Variants in EPB41L4A observed in about 807,000 individuals in gnomAD.
EPB41L4A encodes band 4.1-like protein 4A.
In EPB41L4A, 100 loss-of-function variants were observed where a neutral mutation model predicts 108.6. The observed-to-expected ratio is 0.92, with a 90% CI of 0.78 to 1.09. The LOEUF is 1.09. Ranked by LOEUF, EPB41L4A falls within the 50% of genes least tolerant of loss-of-function variation. The probability of loss-of-function intolerance (pLI) is 0.00; values close to 1 mark genes in which losing one functional copy is unlikely to be tolerated. For synonymous variants in EPB41L4A, 319 were observed against 289.0 expected (o/e 1.10, Z -1.05); for missense variants, 1,030 against 842.7 (o/e 1.22, Z -2.75).
chr5:112,211,627 G>A (rs2150314791), intron 12 of EPB41L4A, among the ~76,000 whole-genome samples: 1 of 151,514 alleles, frequency 6.6e-6, no homozygotes, highest in South Asian at 2.1e-4. Flanking sequence ...TGAAAGTGAT[G>A]TTCAATGAGA....
At chr5:112,204,905 CTACT>C (rs1762398695) in intron 14 of EPB41L4A, among the ~76,000 whole-genome samples, 1 of 152,118 alleles carries the variant, frequency 6.6e-6, no homozygotes, top group South Asian at 2.1e-4. Context: ...GAAATATAGA[CTACT>C]TAATTAAGTG....
At chr5:112,232,705 ATT>A (rs1214520358) in intron 12 of EPB41L4A, among the ~76,000 whole-genome samples, 1 of 152,188 alleles carries the variant, frequency 6.6e-6, no homozygotes, top group Admixed American at 6.5e-5. Context: ...CAATGTTAAT[ATT>A]GTTACTAAAA....
chr5:112,153,296 C>T (rs750797115), intron 12 of EPB41L4A, among the ~76,000 whole-genome samples: 7 of 151,826 alleles, frequency 4.6e-5, no homozygotes, highest in Non-Finnish European at 7.4e-5. Context: ...GAGGCCAAGG[C>T]GGGCGGATCA....
chr5:112,152,804 A>C (rs985150466), intron 12 of EPB41L4A, among the ~76,000 whole-genome samples: 1 of 152,324 alleles, frequency 6.6e-6, no homozygotes, highest in South Asian at 2.1e-4. Context: ...AATCATGAAG[A>C]AAAAAATTCT....
intron 9 of EPB41L4A, 29 bp from the exon 10 acceptor site, chr5:112,240,839 A>C (rs1233157203): frequency 1.4e-6 from 2 of 1,381,696 alleles, no homozygotes; most frequent in Non-Finnish European, 2.0e-6. Flanking sequence ...CAGAATATGA[A>C]TAATGACCAG....
intron 4 of EPB41L4A, among the ~76,000 whole-genome samples, chr5:112,270,170 G>A (rs554228960): frequency 6.6e-6 from 1 of 152,256 alleles, no homozygotes; most frequent in East Asian, 1.9e-4. Context: ...TAAGATTCCT[G>A]GCCAAGAACA....
intron 1 of EPB41L4A, among the ~76,000 whole-genome samples, chr5:112,354,546 T>C (rs1037245839): frequency 4.6e-5 from 7 of 152,228 alleles, no homozygotes; most frequent in African/African-American, 1.7e-4. Context: ...TGTGGAGGAA[T>C]CATTACTTCA....
intron 1 of EPB41L4A, among the ~76,000 whole-genome samples, chr5:112,316,018 T>C (rs1487980594): frequency 6.6e-6 from 1 of 152,218 alleles, no homozygotes; most frequent in Non-Finnish European, 1.5e-5. Flanking sequence ...ATGAGATAGA[T>C]TACTTTCATT....
chr5:112,245,573 G>A (rs1485165973), intron 9 of EPB41L4A, among the ~76,000 whole-genome samples: 2 of 152,202 alleles, frequency 1.3e-5, no homozygotes, highest in East Asian at 3.8e-4. Context: ...AACATTTTCA[G>A]GTTTCTGGCT....
intron 2 of EPB41L4A, among the ~76,000 whole-genome samples, chr5:112,294,007 T>C (rs1753827361): frequency 6.6e-6 from 1 of 152,228 alleles, no homozygotes; most frequent in Non-Finnish European, 1.5e-5. Flanking sequence ...CACATGACAT[T>C]GTTTGAACTC....
intron 9 of EPB41L4A, among the ~76,000 whole-genome samples, chr5:112,241,582 G>A (rs1218058010): frequency 6.6e-6 from 1 of 152,096 alleles, no homozygotes; most frequent in African/African-American, 2.4e-5. Context: ...AAAAGCAATA[G>A]AGCATAACAA....
At position 112,330,178 on chromosome 5, in the gene EPB41L4A, CTCAGGTCCAT is replaced by C. The variant is rs538078754; in HGVS notation, c.100-22698_100-22689del. On this transcript the variant is annotated intron_variant, in intron 1 of 22. Coordinates refer to ENST00000261486, the MANE Select transcript of EPB41L4A (RefSeq NM_022140.5). Reference sequence around the variant, plus strand: ...TTTCCCCCACAATGGCTTAGGTGTACTCAGGTCCATTCACACTCCCTTTTTCCTGTAGAGA... The same window carrying C: ...TTTCCCCCACAATGGCTTAGGTGTACTCACACTCCCTTTTTCCTGTAGAGA... Among the ~76,000 whole-genome samples, 39 of 151,978 alleles carry C rather than the reference CTCAGGTCCAT, an allele frequency of 2.6e-4. 1 individual carries two copies. In the South Asian group the frequency reaches 7.7e-3, roughly 30 times the overall value.
intron 13 of EPB41L4A, 60 bp downstream of exon 13, chr5:112,209,832 G>T (rs1247685069): frequency 2.8e-6 from 3 of 1,081,942 alleles, no homozygotes; most frequent in East Asian, 5.0e-5. Flanking sequence ...CTTGTCTACA[G>T]AAAAAAAGCA....
At chr5:112,367,589 G>A (rs1318492353) in intron 1 of EPB41L4A, among the ~76,000 whole-genome samples, 3 of 152,136 alleles carry the variant, frequency 2.0e-5, no homozygotes, top group African/African-American at 7.2e-5. Flanking sequence ...CTCCTTCCAG[G>A]ACAGGGAGGT....
At chr5:112,344,564 T>C (rs1757516542) in intron 1 of EPB41L4A, among the ~76,000 whole-genome samples, 5 of 152,262 alleles carry the variant, frequency 3.3e-5, no homozygotes, top group East Asian at 3.8e-4. Flanking sequence ...GAAGATACTA[T>C]GTAGGTGTGA....
chr5:112,256,441 T>C (rs1158553930), intron 9 of EPB41L4A, among the ~76,000 whole-genome samples: 1 of 152,104 alleles, frequency 6.6e-6, no homozygotes, highest in African/African-American at 2.4e-5. Flanking sequence ...CCTATAAAAA[T>C]TTATGAGAAT....
intron 12 of EPB41L4A, among the ~76,000 whole-genome samples, chr5:112,147,589 G>C (rs1282020461): frequency 6.7e-6 from 1 of 148,314 alleles, no homozygotes; most frequent in Non-Finnish European, 1.5e-5. Flanking sequence ...AGTAAGCCAA[G>C]ACTGCACCAC....
At position 112,162,905 on chromosome 5, in the gene EPB41L4A, T is replaced by C. The variant is rs1320028395; in HGVS notation, c.*2085A>G. The C allele has an allele frequency of 6.6e-6, 1 of 152,252 alleles. No individual in the cohort carries two copies. The highest frequency in any genetic ancestry group is 2.4e-5 in the African/African-American group (1 of 41,456). The allele number at this position is 152,252 out of a possible 1,614,324, so 9.4% of individuals were successfully genotyped here. Reference sequence around the variant, plus strand: ...AAAGATACCGTTAGTCCACTTACTTTTGAGACAGTTTTGGCTGCTTTCCCT... The same window carrying C: ...AAAGATACCGTTAGTCCACTTACTTCTGAGACAGTTTTGGCTGCTTTCCCT... On this transcript the variant is annotated 3_prime_UTR_variant, in exon 23 of 23. Transcript: ENST00000261486.
At chr5:112,264,023 G>C (rs1297846012) in intron 6 of EPB41L4A, 1 of 151,818 alleles carries the variant, frequency 6.6e-6, no homozygotes, top group Non-Finnish European at 1.5e-5. Context: ...ATTTTGGCCA[G>C]GCTGTTCTCA....
Sources: allele counts gnomAD v4.1 joint callset (sites outside exome capture counted in the v4.1 genomes callset), GRCh38; gene constraint gnomAD v4.1.1; transcripts MANE v1.5; gene names NCBI Gene and HGNC (gene_info 2026-07-23, HGNC 2026-07-21).